The following CDH13 variants were observed in gnomAD, a reference collection of about 807,000 sequenced individuals.
The protein encoded by CDH13 is cadherin-13.
Under a neutral mutation model 63.8 loss-of-function variants are expected in CDH13, and 24 were observed. That is an observed-to-expected ratio of 0.38 (90% confidence interval 0.27 to 0.53). The LOEUF is 0.53. CDH13 is among the 20% of genes least tolerant of loss of function. CDH13 has a pLI of 0.85. For synonymous variants in CDH13, 503 were observed against 355.3 expected, an observed-to-expected ratio of 1.42 and a Z score of -4.67; for missense variants, 1,049 against 903.1, an observed-to-expected ratio of 1.16 and a Z score of -2.07.
intron 2 of CDH13, among the ~76,000 whole-genome samples, chr16:82,906,108 C>G (rs552815826): frequency 2.5e-4 from 38 of 152,314 alleles, no homozygotes; most frequent in African/African-American, 8.2e-4. Flanking sequence ...ACATCTATCT[C>G]TCTAGAGATC....
At chr16:83,585,366 CTGTT>C (rs1197451831) in intron 7 of CDH13, among the ~76,000 whole-genome samples, 1 of 152,100 alleles carries the variant, frequency 6.6e-6, no homozygotes, top group East Asian at 1.9e-4. Flanking sequence ...GTGTGAGAGT[CTGTT>C]TGGAGAAGGA....
At chr16:83,180,673 G>A (rs896430470) in intron 4 of CDH13, among the ~76,000 whole-genome samples, 5 of 152,226 alleles carry the variant, frequency 3.3e-5, no homozygotes, top group Middle Eastern at 6.8e-3. Flanking sequence ...GCAGACTCCC[G>A]AAGCCATGCC....
chr16:83,289,017 C>G (rs1268251853), intron 5 of CDH13, among the ~76,000 whole-genome samples: 1 of 152,176 alleles, frequency 6.6e-6, no homozygotes, highest in Non-Finnish European at 1.5e-5. Flanking sequence ...GGTTGGAACA[C>G]CACCTTTTTG....
At chr16:83,712,864 T>G (rs1192771231) in intron 10 of CDH13, among the ~76,000 whole-genome samples, 1 of 152,230 alleles carries the variant, frequency 6.6e-6, no homozygotes, top group Non-Finnish European at 1.5e-5. Flanking sequence ...CTCTAAAAAT[T>G]CAGCCCTATT....
intron 6 of CDH13, among the ~76,000 whole-genome samples, chr16:83,476,379 A>G (rs920527036): frequency 2.6e-5 from 4 of 152,182 alleles, no homozygotes; most frequent in African/African-American, 9.7e-5. Context: ...CCATTTAAAA[A>G]TCTCTTAAAT....
chr16:82,996,821 G>A (rs1355443091), intron 2 of CDH13, among the ~76,000 whole-genome samples: 2 of 150,764 alleles, frequency 1.3e-5, no homozygotes, highest in Admixed American at 1.3e-4. Flanking sequence ...TGGTGATGAT[G>A]ATAGTGATGG....
chr16:83,759,479 A>G (rs987450517), intron 11 of CDH13, among the ~76,000 whole-genome samples: 1 of 152,168 alleles, frequency 6.6e-6, no homozygotes, highest in Non-Finnish European at 1.5e-5. Flanking sequence ...TCCTTTGTGT[A>G]AGCAAAGCTT....
chr16:82,797,331 G>GTAC (rs765522214), intron 1 of CDH13, among the ~76,000 whole-genome samples: 19 of 152,274 alleles, frequency 1.2e-4, no homozygotes, highest in South Asian at 2.1e-4. Context: ...TACAGAGCAA[G>GTAC]TACTACGGTA....
chr16:83,103,264 T>TTTTTTTTTTA, intron 3 of CDH13, among the ~76,000 whole-genome samples: 2 of 133,852 alleles, frequency 1.5e-5, no homozygotes, highest in African/African-American at 2.9e-5. Flanking sequence ...TTTTTTTTTT[T>TTTTTTTTTTA]GAGACAGTCT....
chr16:82,817,616 C>T (rs201488927), intron 1 of CDH13, among the ~76,000 whole-genome samples: 1 of 152,010 alleles, frequency 6.6e-6, no homozygotes, highest in African/African-American at 2.4e-5. Flanking sequence ...CCAGCCTGGC[C>T]AAAATGATGA....
At chr16:83,386,171 T>A (rs2091670388) in intron 6 of CDH13, among the ~76,000 whole-genome samples, 1 of 152,230 alleles carries the variant, frequency 6.6e-6, no homozygotes, top group Admixed American at 6.5e-5. Context: ...GAAATGGTGC[T>A]GAATTCAGAA....
At chr16:83,794,830 C>A (rs1006105481) in intron 13 of CDH13, among the ~76,000 whole-genome samples, 193 bp from the exon 14 acceptor site, 1 of 151,954 alleles carries the variant, frequency 6.6e-6, no homozygotes, top group Non-Finnish European at 1.5e-5. Flanking sequence ...TCAGAGAAGT[C>A]CAGCTTTTTA....
At chr16:83,447,574 A>G (rs2072747890) in intron 6 of CDH13, among the ~76,000 whole-genome samples, 1 of 152,116 alleles carries the variant, frequency 6.6e-6, no homozygotes. Context: ...AGATGATACC[A>G]GATCTTTAGC....
chr16:83,355,724 G>A (rs958297581), intron 6 of CDH13, among the ~76,000 whole-genome samples: 3 of 152,186 alleles, frequency 2.0e-5, no homozygotes, highest in African/African-American at 7.2e-5. Flanking sequence ...ACTCTGTAGA[G>A]CTTGCAGACG....
At chr16:83,666,635 C>T (rs1184608352) in intron 8 of CDH13, among the ~76,000 whole-genome samples, 1 of 152,200 alleles carries the variant, frequency 6.6e-6, no homozygotes, top group Non-Finnish European at 1.5e-5. Flanking sequence ...CAGCCACACC[C>T]AGCTTGCCTT....
At chr16:83,405,773 C>T (rs1024128185) in intron 6 of CDH13, among the ~76,000 whole-genome samples, 1 of 152,166 alleles carries the variant, frequency 6.6e-6, no homozygotes, top group Non-Finnish European at 1.5e-5. Context: ...AGGCATATTC[C>T]TTTCTCCCAA....
chr16:82,955,418 G>C (rs1020322329), intron 2 of CDH13, among the ~76,000 whole-genome samples: 4 of 152,130 alleles, frequency 2.6e-5, no homozygotes, highest in African/African-American at 9.7e-5. Flanking sequence ...ACTTATAAAT[G>C]ATTAATACTT....
At chr16:82,914,101 A>T (rs1055483333) in intron 2 of CDH13, among the ~76,000 whole-genome samples, 1 of 152,114 alleles carries the variant, frequency 6.6e-6, no homozygotes, top group Non-Finnish European at 1.5e-5. Flanking sequence ...AGAAACCAGG[A>T]CAGAACTCTA....
chr16:83,578,716 C>T (rs970189906), intron 7 of CDH13, among the ~76,000 whole-genome samples: 5 of 152,188 alleles, frequency 3.3e-5, no homozygotes, highest in East Asian at 1.9e-4. Context: ...CTTCAAACAC[C>T]TTACAGATTG....
Sources: gnomAD v4.1 joint callset for allele counts (sites outside exome capture counted in the v4.1 genomes callset) on GRCh38, gnomAD v4.1.1 for gene constraint, MANE v1.5 for transcripts, NCBI Gene and HGNC (gene_info 2026-07-23, HGNC 2026-07-21) for gene names.